WDR59: variants seen among roughly 807,000 people sequenced by gnomAD.
WDR59 encodes the protein GATOR2 complex protein WDR59.
Under a neutral mutation model 131.2 loss-of-function variants are expected in WDR59, and 100 were observed. The observed-to-expected ratio is 0.76, with a 90% CI of 0.65 to 0.90. The LOEUF is 0.90. Among genes scored for constraint, WDR59 ranks in the 40% least tolerant of loss-of-function variants. The pLI is 0.00. For synonymous variants in WDR59, 601 were observed against 466.2 expected (o/e 1.29, Z -3.72); for missense variants, 1,203 against 1,262.2 (o/e 0.95, Z 0.71).
At chr16:74,920,288 A>G (rs1458172586) in intron 10 of WDR59, among the ~76,000 whole-genome samples, 1 of 152,174 alleles carries the variant, frequency 6.6e-6, no homozygotes, top group Non-Finnish European at 1.5e-5. Context: ...TTTTTATAAA[A>G]TAGGCTTTGT....
intron 25 of WDR59, among the ~76,000 whole-genome samples, chr16:74,877,150 G>A (rs957307166): frequency 1.3e-5 from 2 of 152,166 alleles, no homozygotes; most frequent in African/African-American, 4.8e-5. Flanking sequence ...TCAACGCGGT[G>A]AGGGTATTGT....
chr16:74,977,643 G>A (rs1434763506), intron 1 of WDR59, among the ~76,000 whole-genome samples: 7 of 152,126 alleles, frequency 4.6e-5, no homozygotes, highest in Admixed American at 2.0e-4. Flanking sequence ...AGCTGAGATC[G>A]TGCCACTGCA....
intron 1 of WDR59, among the ~76,000 whole-genome samples, chr16:74,976,639 C>T (rs2034193860): frequency 1.3e-5 from 2 of 152,174 alleles, no homozygotes; most frequent in Admixed American, 6.6e-5. Flanking sequence ...GACAGGGTTT[C>T]ACTGTGTTAG....
rs994328657 is a variant in WDR59, at chr16:74,871,916, G to A, written c.*2293C>T. The A allele has an allele frequency of 9.9e-5, 15 of 152,232 alleles. No individual in the cohort carries two copies. Among genetic ancestry groups the A allele is most frequent in the Admixed American group, 6.5e-5 (1 of 15,280 alleles). 9.4% of individuals were successfully genotyped at this position (152,232 alleles called of 1,614,324 possible). Reference sequence around the variant, plus strand: ...CCAGCACTAAACCTCTGGTTCCACTGCACAGGATCTCAGTTCTTTCTTACA... The same window carrying A: ...CCAGCACTAAACCTCTGGTTCCACTACACAGGATCTCAGTTCTTTCTTACA... On this transcript the variant is annotated 3_prime_UTR_variant, in exon 26 of 26. Coordinates refer to ENST00000262144, the MANE Select transcript of WDR59 (RefSeq NM_030581.4).
At chr16:74,940,105 G>C (rs974118709) in intron 7 of WDR59, among the ~76,000 whole-genome samples, 1 of 152,100 alleles carries the variant, frequency 6.6e-6, no homozygotes, top group African/African-American at 2.4e-5. Flanking sequence ...CTGGCCAGGC[G>C]CAGTGGCTCA....
At chr16:74,889,044 T>C (rs1964913967) in intron 21 of WDR59, among the ~76,000 whole-genome samples, 1 of 152,224 alleles carries the variant, frequency 6.6e-6, no homozygotes, top group African/African-American at 2.4e-5. Flanking sequence ...GTAAACCTTA[T>C]CATCCCTGTG....
intron 25 of WDR59, among the ~76,000 whole-genome samples, chr16:74,876,107 C>T (rs1410604236): frequency 6.6e-6 from 1 of 152,146 alleles, no homozygotes; most frequent in African/African-American, 2.4e-5. Context: ...AGGGTCCTTT[C>T]TTCTAGCAGA....
At position 74,886,177 on chromosome 16, in the gene WDR59, C is replaced by CAAAAAAAAAAAAAAAAAAAAAA. The variant is rs777732079; in HGVS notation, c.2546+92_2546+93insTTTTTTTTTTTTTTTTTTTTTT. 141 of 1,018,746 alleles carry CAAAAAAAAAAAAAAAAAAAAAA rather than the reference C, an allele frequency of 1.4e-4. 4 individuals are homozygous for CAAAAAAAAAAAAAAAAAAAAAA. The African/African-American group carries it at 2.0e-3, about 14-fold the overall frequency. The allele number at this position is 1,018,746 out of a possible 1,614,324, so 63.1% of individuals were successfully genotyped here. On this transcript the variant is annotated intron_variant, in intron 24 of 25. Transcript: ENST00000262144. ...TAGTGACCGGGTAAGATTCTGTGTC[C>CAAAAAAAAAAAAAAAAAAAAAA]AAAAAAAAAAAAAGTAAGAGTTGTG...
At chr16:74,984,636 A>C in intron 1 of WDR59, 1 of 360,430 alleles carries the variant, frequency 2.8e-6, no homozygotes. Flanking sequence ...GGCCTCGGGA[A>C]GCCGTCACGC....
At chr16:74,912,757 A>G (rs1414186257) in intron 13 of WDR59, among the ~76,000 whole-genome samples, 1 of 152,228 alleles carries the variant, frequency 6.6e-6, no homozygotes, top group African/African-American at 2.4e-5. Context: ...AGTGATAAGC[A>G]TTGTTTCTAT....
At chr16:74,924,044 A>G in intron 8 of WDR59, 41 bp from the exon 9 acceptor site, 1 of 1,586,908 alleles carries the variant, frequency 6.3e-7, no homozygotes, top group Non-Finnish European at 8.6e-7. Context: ...AATAAATGCC[A>G]TTAAAAAATT....
chr16:74,944,684 A>G (rs1390172979), intron 6 of WDR59, among the ~76,000 whole-genome samples: 1 of 152,130 alleles, frequency 6.6e-6, no homozygotes, highest in African/African-American at 2.4e-5. Context: ...CAGCTTATCA[A>G]GGTCCACAAG....
intron 8 of WDR59, among the ~76,000 whole-genome samples, chr16:74,928,283 G>T (rs1311095396): frequency 6.7e-6 from 1 of 148,270 alleles, no homozygotes; most frequent in Non-Finnish European, 1.5e-5. Flanking sequence ...ACAGGATTAT[G>T]GCTCACTGTA....
intron 1 of WDR59, among the ~76,000 whole-genome samples, chr16:74,968,889 A>G (rs2033875795): frequency 6.6e-6 from 1 of 152,212 alleles, no homozygotes; most frequent in African/African-American, 2.4e-5. Flanking sequence ...TTGCAGGAGC[A>G]CACTGAGGAA....
At chr16:74,882,090 C>T (rs570628436) in intron 25 of WDR59, among the ~76,000 whole-genome samples, 1 of 152,228 alleles carries the variant, frequency 6.6e-6, no homozygotes, top group South Asian at 2.1e-4. Flanking sequence ...TCTTGACCCA[C>T]CAAACCACAC....
Position 74,918,270 on chromosome 16 carries a change from A to G in WDR59, c.887-262T>C, listed in dbSNP as rs551743604. Among the ~76,000 whole-genome samples, 68 of 152,390 alleles carry G rather than the reference A, an allele frequency of 4.5e-4. 1 individual carries two copies. Among genetic ancestry groups the G allele is most frequent in the Admixed American group, 4.1e-3 (62 of 15,302 alleles). ...AAAGAATAACACAGGATAAGAGGAC[A>G]GAGACTGATGGTGGAACTATTTTTA... is the stretch of plus-strand genomic sequence containing the variant. On this transcript the variant is annotated intron_variant, in intron 10 of 25. Coordinates refer to ENST00000262144, the MANE Select transcript of WDR59 (RefSeq NM_030581.4).
At chr16:74,942,148 G>T (rs1470933803) in intron 7 of WDR59, among the ~76,000 whole-genome samples, 1 of 152,138 alleles carries the variant, frequency 6.6e-6, no homozygotes, top group African/African-American at 2.4e-5. Context: ...CAAGGACCCA[G>T]CACTGTTTCC....
At chr16:74,911,545 G>C (rs28558165) in intron 14 of WDR59, among the ~76,000 whole-genome samples, 2,143 of 152,266 alleles carry the variant, frequency 0.014, 55 homozygotes, top group African/African-American at 0.049. Context: ...CACCTGATTT[G>C]CTCTGGATGA....
intron 1 of WDR59, among the ~76,000 whole-genome samples, chr16:74,970,150 C>T (rs2033923682): frequency 6.6e-6 from 1 of 152,068 alleles, no homozygotes; most frequent in Non-Finnish European, 1.5e-5. Context: ...GTCTAGAACT[C>T]CTTTCCCTAT....
Sources: allele counts gnomAD v4.1 joint callset (sites outside exome capture counted in the v4.1 genomes callset), GRCh38; gene constraint gnomAD v4.1.1; transcripts MANE v1.5; gene names NCBI Gene and HGNC (gene_info 2026-07-23, HGNC 2026-07-21).